Variants in ROBO2 observed in about 807,000 individuals in gnomAD.
ROBO2 encodes roundabout guidance receptor 2.
In ROBO2, 53 loss-of-function variants were observed where a neutral mutation model predicts 160.8. That is an observed-to-expected ratio of 0.33 (90% CI 0.26 to 0.41). ROBO2 has a LOEUF of 0.41. Ranked by LOEUF, ROBO2 falls within the 10% of genes least tolerant of loss-of-function variation. The probability of loss-of-function intolerance (pLI) is 1.00; values close to 1 mark genes in which losing one functional copy is unlikely to be tolerated. For missense variants in ROBO2, 1,577 were observed against 1,722.4 expected, an observed-to-expected ratio of 0.92 and a Z score of 1.49; for synonymous variants, 664 against 611.7, an observed-to-expected ratio of 1.09 and a Z score of -1.26.
chr3:77,438,387 C>T (rs1259029136), intron 2 of ROBO2, among the ~76,000 whole-genome samples: 1 of 151,514 alleles, frequency 6.6e-6, no homozygotes, highest in African/African-American at 2.4e-5. Context: ...CTGAGTTTTA[C>T]CAGGAAATAA....
rs150969784 is a variant in ROBO2 at position 76,713,878 on chromosome 3, A to C, written c.110-384136A>C. On this transcript the variant is annotated intron_variant, in intron 2 of 26. Transcript: ENST00000487694. Reference sequence around the variant, plus strand: ...TACTGGGAGGTAACATACATGAAGGAAAAAAACATGCTGGACTGCATTTAA... The same window carrying C: ...TACTGGGAGGTAACATACATGAAGGCAAAAAACATGCTGGACTGCATTTAA... Among the ~76,000 whole-genome samples, 152 of 152,200 alleles carry C rather than the reference A, an allele frequency of 1.0e-3. 1 individual carries two copies. Among genetic ancestry groups the C allele is most frequent in the African/African-American group, 3.4e-3 (142 of 41,520 alleles).
chr3:76,118,200 C>T (rs2070560455), intron 2 of ROBO2, among the ~76,000 whole-genome samples: 1 of 151,834 alleles, frequency 6.6e-6, no homozygotes, highest in Admixed American at 6.6e-5. Context: ...GAAAACTGAC[C>T]ACATTATTCT....
At chr3:76,023,909 A>G (rs1247861914) in intron 2 of ROBO2, among the ~76,000 whole-genome samples, 1 of 151,466 alleles carries the variant, frequency 6.6e-6, no homozygotes, top group African/African-American at 2.4e-5. Context: ...ACAGAGAAAA[A>G]AAGTGGAAGA....
At chr3:77,066,018 G>C (rs1438164089) in intron 1 of ROBO2, among the ~76,000 whole-genome samples, 1 of 152,050 alleles carries the variant, frequency 6.6e-6, no homozygotes, top group Non-Finnish European at 1.5e-5. Flanking sequence ...GCTTTTCTAG[G>C]TCATGGGTTT....
rs1401324423 is a variant in ROBO2, at chr3:77,163,821, A to T, written c.388+65481A>T. On this transcript the variant is annotated intron_variant, in intron 2 of 25. Transcript: ENST00000461745. ...ATATCTTACTGTTACTTTTTTTAAAAAAAAATCTATATTTCAAACTTATTT... is the reference window on the plus strand; with the variant it reads ...ATATCTTACTGTTACTTTTTTTAAATAAAAATCTATATTTCAAACTTATTT... Among the ~76,000 whole-genome samples, 3 of 152,294 alleles carry T rather than the reference A, an allele frequency of 2.0e-5. No homozygotes were observed. In the East Asian group the frequency reaches 5.8e-4, roughly 29 times the overall value.
chr3:76,309,097 G>A (rs1333686899), intron 2 of ROBO2, among the ~76,000 whole-genome samples: 1 of 152,100 alleles, frequency 6.6e-6, no homozygotes, highest in South Asian at 2.1e-4. Flanking sequence ...TTTCTTTGAA[G>A]AGGGATGGAG....
chr3:77,529,593 G>T (rs779211232), intron 6 of ROBO2, among the ~76,000 whole-genome samples: 1 of 151,804 alleles, frequency 6.6e-6, no homozygotes, highest in Admixed American at 6.6e-5. Flanking sequence ...GTAGGAAAAA[G>T]TACATTGATT....
chr3:76,507,155 A>G (rs1428853490), intron 2 of ROBO2, among the ~76,000 whole-genome samples: 1 of 152,138 alleles, frequency 6.6e-6, no homozygotes, highest in Non-Finnish European at 1.5e-5. Context: ...AGAAATTCGT[A>G]CAGGGCATAA....
chr3:76,388,691 G>T (rs1364586438), intron 2 of ROBO2, among the ~76,000 whole-genome samples: 3 of 151,904 alleles, frequency 2.0e-5, no homozygotes, highest in African/African-American at 7.3e-5. Context: ...TTCAGCTCTA[G>T]ATCTTTTTTT....
chr3:76,783,703 C>T (rs1482909945), intron 2 of ROBO2, among the ~76,000 whole-genome samples: 1 of 150,664 alleles, frequency 6.6e-6, no homozygotes. Flanking sequence ...ATAAAAGCCT[C>T]TATGTTCAAT....
At chr3:76,212,620 C>A (rs1331040846) in intron 2 of ROBO2, among the ~76,000 whole-genome samples, 1 of 151,984 alleles carries the variant, frequency 6.6e-6, no homozygotes, top group African/African-American at 2.4e-5. Context: ...GCAATAAGAT[C>A]AGGACTAACT....
rs193139616 is a variant in ROBO2, at chr3:77,254,533, C to A, written c.388+156193C>A. 1.4e-3 allele frequency among the ~76,000 whole-genome samples: 214 copies of A among 151,466 alleles called. 1 individual carries two copies. The highest frequency in any genetic ancestry group is 4.9e-3 in the African/African-American group (202 of 41,262). On this transcript the variant is annotated intron_variant, in intron 2 of 25. Transcript: ENST00000461745. The stretch of plus-strand genomic sequence containing the variant: ...TCTGAAAACTGAAGTACAAAATATT[C>A]TTTTTTTAGGGTCTTACATGATGTT...
At chr3:77,406,264 G>A (rs1445601790) in intron 2 of ROBO2, among the ~76,000 whole-genome samples, 1 of 152,114 alleles carries the variant, frequency 6.6e-6, no homozygotes, top group Non-Finnish European at 1.5e-5. Context: ...CCATAATCCG[G>A]TCACCTCCCA....
intron 2 of ROBO2, among the ~76,000 whole-genome samples, chr3:76,978,409 A>G (rs2059914192): frequency 6.6e-6 from 1 of 152,160 alleles, no homozygotes; most frequent in Admixed American, 6.5e-5. Context: ...TTTGCGCAGA[A>G]GAAAGAATAT....
At chr3:76,993,759 G>A (rs541959853) in intron 2 of ROBO2, among the ~76,000 whole-genome samples, 51 of 152,168 alleles carry the variant, frequency 3.4e-4, no homozygotes, top group African/African-American at 1.2e-3. Context: ...TGAGACCCAT[G>A]GGAGTTATGT....
intron 2 of ROBO2, among the ~76,000 whole-genome samples, chr3:77,032,380 T>A (rs1468379638): frequency 6.6e-6 from 1 of 152,192 alleles, no homozygotes; most frequent in Non-Finnish European, 1.5e-5. Context: ...TAAACCACCT[T>A]CATATGCTTC....
At chr3:77,544,846 T>G (rs2092635565) in intron 6 of ROBO2, among the ~76,000 whole-genome samples, 1 of 152,122 alleles carries the variant, frequency 6.6e-6, no homozygotes, top group East Asian at 1.9e-4. Context: ...AGTCATGGAA[T>G]AAACACTGTG....
At chr3:77,327,420 T>C (rs539723478) in intron 2 of ROBO2, among the ~76,000 whole-genome samples, 1 of 152,222 alleles carries the variant, frequency 6.6e-6, no homozygotes, top group African/African-American at 2.4e-5. Flanking sequence ...ACTAGATAAA[T>C]AACAAATTGT....
At chr3:76,403,555 G>C (rs999719973) in intron 2 of ROBO2, among the ~76,000 whole-genome samples, 1 of 151,504 alleles carries the variant, frequency 6.6e-6, no homozygotes, top group African/African-American at 2.4e-5. Context: ...ATCCCCAGAG[G>C]GTTCTGCATT....
Sources: gnomAD v4.1 joint callset for allele counts (sites outside exome capture counted in the v4.1 genomes callset) on GRCh38, gnomAD v4.1.1 for gene constraint, MANE v1.5 for transcripts, NCBI Gene and HGNC (gene_info 2026-07-23, HGNC 2026-07-21) for gene names.